Variants in CSTPP1 observed in about 807,000 individuals in gnomAD.
CSTPP1 encodes centriolar satellite-associated tubulin polyglutamylase complex regulator 1.
chr11:47,093,135 G>A, the CSTPP1 span, among the ~76,000 whole-genome samples: 10 of 152,186 alleles, frequency 6.6e-5, no homozygotes, highest in Non-Finnish European at 2.9e-5. Context: ...ACACATATAC[G>A]TGTTTCAGGC....
the CSTPP1 span, among the ~76,000 whole-genome samples, chr11:47,055,801 T>C: frequency 6.6e-6 from 1 of 152,226 alleles, no homozygotes; most frequent in African/African-American, 2.4e-5. Context: ...CATTACAGTA[T>C]TATGAAAGAA....
At chr11:47,052,479 G>A in the CSTPP1 span, 1 of 1,613,988 alleles carries the variant, frequency 6.2e-7, no homozygotes, top group South Asian at 1.1e-5. Context: ...ATTTTTACGG[G>A]CCTTCTGGAG....
the CSTPP1 span, among the ~76,000 whole-genome samples, chr11:47,136,601 G>A: frequency 1.3e-5 from 2 of 152,146 alleles, no homozygotes. Context: ...ACGGGGGCAG[G>A]AGATCTGGAT....
At chr11:47,091,043 T>A in the CSTPP1 span, among the ~76,000 whole-genome samples, 1 of 16,948 alleles carries the variant, frequency 5.9e-5, no homozygotes, top group African/African-American at 1.6e-4. Context: ...CGAGACTCCA[T>A]CTCAAAAAAA....
chr11:47,159,044 TAC>T, the CSTPP1 span, among the ~76,000 whole-genome samples: 1 of 152,206 alleles, frequency 6.6e-6, no homozygotes, highest in Non-Finnish European at 1.5e-5. Flanking sequence ...TTACACAATA[TAC>T]AGTTAGCCAG....
chr11:47,024,366 TTCTC>T, the CSTPP1 span, among the ~76,000 whole-genome samples: 10 of 151,748 alleles, frequency 6.6e-5, no homozygotes, highest in African/African-American at 1.5e-4. Context: ...TCACCCAATC[TTCTC>T]TCTCTCTTTT....
At chr11:46,940,553 A>G in the CSTPP1 span, among the ~76,000 whole-genome samples, 2 of 152,242 alleles carry the variant, frequency 1.3e-5, no homozygotes, top group East Asian at 1.9e-4. Flanking sequence ...AGTGACAGAT[A>G]GTCTGAGTAG....
the CSTPP1 span, among the ~76,000 whole-genome samples, chr11:46,964,565 G>T: frequency 2.0e-5 from 3 of 152,180 alleles, no homozygotes; most frequent in Non-Finnish European, 4.4e-5. Flanking sequence ...GATTACAGGC[G>T]TGAGCCACCG....
the CSTPP1 span, among the ~76,000 whole-genome samples, chr11:47,067,478 A>G: frequency 6.6e-6 from 1 of 152,130 alleles, no homozygotes; most frequent in Non-Finnish European, 1.5e-5. Context: ...TCCTCCTGTA[A>G]GGAGGAAATT....
At chr11:47,118,637 G>T in the CSTPP1 span, among the ~76,000 whole-genome samples, 1 of 152,162 alleles carries the variant, frequency 6.6e-6, no homozygotes, top group African/African-American at 2.4e-5. Flanking sequence ...TGGGGTTTTG[G>T]TGTAGATGAC....
chr11:47,086,872 C>CT, the CSTPP1 span, among the ~76,000 whole-genome samples: 1 of 152,242 alleles, frequency 6.6e-6, no homozygotes, highest in Non-Finnish European at 1.5e-5. Flanking sequence ...ACAATGTAAA[C>CT]TTACTCCCTT....
chr11:47,114,550 C>T, the CSTPP1 span, among the ~76,000 whole-genome samples: 1 of 152,040 alleles, frequency 6.6e-6, no homozygotes, highest in African/African-American at 2.4e-5. Context: ...CCTTCACATC[C>T]CTTGTAAGTT....
At chr11:47,136,708 TCTCA>T in the CSTPP1 span, among the ~76,000 whole-genome samples, 1 of 152,286 alleles carries the variant, frequency 6.6e-6, no homozygotes, top group East Asian at 1.9e-4. Context: ...GATTCCCTCC[TCTCA>T]CTCATCCTCC....
the CSTPP1 span, among the ~76,000 whole-genome samples, chr11:47,081,934 CCT>C: frequency 6.7e-6 from 1 of 149,190 alleles, no homozygotes; most frequent in Non-Finnish European, 1.5e-5. Flanking sequence ...TACAAAAAAA[CCT>C]TTTTTTTTTT....
At chr11:47,077,130 G>A in the CSTPP1 span, among the ~76,000 whole-genome samples, 1 of 148,704 alleles carries the variant, frequency 6.7e-6, no homozygotes, top group Admixed American at 6.7e-5. Context: ...AATTCTAAGA[G>A]AAAATTATTT....
the CSTPP1 span, among the ~76,000 whole-genome samples, chr11:47,130,277 A>C: frequency 6.6e-6 from 1 of 152,002 alleles, no homozygotes. Context: ...AACCAAAAAA[A>C]AACTAAAGGG....
the CSTPP1 span, among the ~76,000 whole-genome samples, chr11:46,997,173 G>A: frequency 6.6e-6 from 1 of 152,052 alleles, no homozygotes; most frequent in Non-Finnish European, 1.5e-5. Context: ...TCTGTTCTCC[G>A]CATTACTTTC....
chr11:47,126,411 C>T, the CSTPP1 span, among the ~76,000 whole-genome samples: 1 of 152,104 alleles, frequency 6.6e-6, no homozygotes, highest in African/African-American at 2.4e-5. Context: ...TCATTTGAGG[C>T]CAGGATTTCC....
chr11:47,157,120 C>A, the CSTPP1 span: 1 of 1,614,146 alleles, frequency 6.2e-7, no homozygotes, highest in Non-Finnish European at 8.5e-7. Flanking sequence ...GGCAGCACCG[C>A]CAACGACCTG....
Sources: gnomAD v4.1 joint callset for allele counts (sites outside exome capture counted in the v4.1 genomes callset) on GRCh38, gnomAD v4.1.1 for gene constraint, MANE v1.5 for transcripts, NCBI Gene and HGNC (gene_info 2026-07-23, HGNC 2026-07-21) for gene names.